The following IPO11 variants were observed in gnomAD, a reference collection of about 807,000 sequenced individuals.
IPO11 encodes the protein importin 11.
A neutral mutation model predicts 143.2 loss-of-function variants in IPO11; 66 were observed. The ratio of observed to expected loss-of-function variants is 0.46; its 90% CI spans 0.38 to 0.57. IPO11 has a LOEUF of 0.57. Ranked by LOEUF, IPO11 falls within the 20% of genes least tolerant of loss-of-function variation. The pLI is 0.00. For missense variants in IPO11, 1,026 were observed against 1,141.0 expected (o/e 0.90, Z 1.45); for synonymous variants, 385 against 377.8 (o/e 1.02, Z -0.22).
intron 20 of IPO11, among the ~76,000 whole-genome samples, chr5:62,522,589 T>A (rs1311084928): frequency 6.6e-6 from 1 of 152,154 alleles, no homozygotes; most frequent in Non-Finnish European, 1.5e-5. Flanking sequence ...CCGGCCATAA[T>A]TGTGTGTTTT....
chr5:62,598,669 C>G (rs563502005), intron 28 of IPO11, among the ~76,000 whole-genome samples: 1 of 150,354 alleles, frequency 6.7e-6, no homozygotes, highest in South Asian at 2.1e-4. Context: ...CTCAGCCTCC[C>G]GAGTAGCTGG....
chr5:62,523,035 C>CT (rs1447332137), intron 20 of IPO11, among the ~76,000 whole-genome samples: 1 of 152,210 alleles, frequency 6.6e-6, no homozygotes, highest in Non-Finnish European at 1.5e-5. Flanking sequence ...GTTCCTCAGT[C>CT]TTTTTTCTGT....
intron 27 of IPO11, chr5:62,580,671 AT>A (rs755070330): frequency 3.5e-5 from 55 of 1,551,524 alleles, no homozygotes; most frequent in East Asian, 3.4e-4. Context: ...CAATAAATGT[AT>A]CCAGAGCTTG....
At position 62,504,804 on chromosome 5, in the gene IPO11, A is replaced by T. The variant is rs1269155661; in HGVS notation, c.1625-54A>T. 2.9e-6 allele frequency: 4 copies of T among 1,364,206 alleles called. No homozygotes were observed. The African/African-American group carries it at 5.9e-5, about 20-fold the overall frequency. The allele number at this position is 1,364,206 out of a possible 1,614,324, so 84.5% of individuals were successfully genotyped here. ...ATTTATGTATACTTGTTTTAGATAC[A>T]GATTTATTTTGATAAAACTTATATA... On this transcript the variant is annotated intron_variant, in intron 17 of 29. Transcript: ENST00000325324.
chr5:62,503,408 T>TTA (rs1561338338), intron 16 of IPO11, among the ~76,000 whole-genome samples: 9 of 148,216 alleles, frequency 6.1e-5, no homozygotes, highest in African/African-American at 2.2e-4. Flanking sequence ...ATATTAATAG[T>TTA]ATCTATTAAT....
intron 27 of IPO11, among the ~76,000 whole-genome samples, chr5:62,579,166 G>A (rs527919308): frequency 6.6e-6 from 1 of 151,938 alleles, no homozygotes; most frequent in Non-Finnish European, 1.5e-5. Flanking sequence ...AGTTAACTTA[G>A]CAAATGTTTC....
rs1742371163 is a variant in IPO11, at chr5:62,526,384, CTG to C, written c.2012+128_2012+129del. On this transcript the variant is annotated intron_variant, in intron 21 of 29. Transcript: ENST00000325324. The stretch of plus-strand genomic sequence containing the variant: ...AAAATGTAAACTCTGTTTCTTCAAA[CTG>C]GGGCATATATCTCCTTTTTTTGGCA... 1.7e-5 allele frequency: 11 copies of C among 635,866 alleles called. No individual in the cohort carries two copies. The South Asian group carries it at 1.9e-4, about 11-fold the overall frequency. 39.4% of individuals were successfully genotyped at this position (635,866 alleles called of 1,614,324 possible). A position where few individuals can be genotyped will look rare whatever the true frequency, so the allele number is the denominator to read the frequency against.
At chr5:62,438,753 A>C (rs1417885834) in intron 2 of IPO11, among the ~76,000 whole-genome samples, 1 of 145,382 alleles carries the variant, frequency 6.9e-6, no homozygotes, top group East Asian at 2.0e-4. Flanking sequence ...ACTCCATCTC[A>C]AAAAAAAAAG....
At chr5:62,577,407 TG>T (rs1744354498) in intron 27 of IPO11, among the ~76,000 whole-genome samples, 1 of 152,186 alleles carries the variant, frequency 6.6e-6, no homozygotes, top group East Asian at 1.9e-4. Flanking sequence ...ATTCATACTC[TG>T]GTTATATTAC....
intron 5 of IPO11, 113 bp from the exon 6 acceptor site, chr5:62,467,018 C>T: frequency 3.2e-6 from 3 of 937,448 alleles, no homozygotes; most frequent in Non-Finnish European, 4.6e-6. Flanking sequence ...TATTTCAGAT[C>T]TCTCAGAAAA....
intron 2 of IPO11, among the ~76,000 whole-genome samples, chr5:62,441,496 C>CTTTTTTTTTTTTTTTTTTTTTT (rs995019567): frequency 4.2e-5 from 2 of 47,378 alleles, no homozygotes; most frequent in Non-Finnish European, 3.6e-5. Flanking sequence ...TGTGCCTGGC[C>CTTTTTTTTTTTTTTTTTTTTTT]TTTTTTTTTT....
At position 62,604,093 on chromosome 5, in the gene IPO11, C is replaced by T. The variant is rs1745609782; in HGVS notation, c.2763+2245C>T. Among the ~76,000 whole-genome samples, 4 of 152,206 alleles carry T rather than the reference C, an allele frequency of 2.6e-5. No homozygotes were observed. In the South Asian group the frequency reaches 8.3e-4, roughly 31 times the overall value. ...GTGTAAGCACACTCCATAATGTTTACACAAGGAACTTGCCTAACAATGCAT... is the reference window on the plus strand; with the variant it reads ...GTGTAAGCACACTCCATAATGTTTATACAAGGAACTTGCCTAACAATGCAT... On this transcript the variant is annotated intron_variant, in intron 29 of 29. Coordinates refer to ENST00000325324, the MANE Select transcript of IPO11 (RefSeq NM_016338.5).
chr5:62,437,550 A>G, intron 2 of IPO11, 133 bp downstream of exon 2: 1 of 644,658 alleles, frequency 1.6e-6, no homozygotes, highest in Non-Finnish European at 2.6e-6. Context: ...CTTTGCCATT[A>G]TCTTATTACT....
intron 2 of IPO11, among the ~76,000 whole-genome samples, chr5:62,439,010 G>A (rs1019255711): frequency 4.1e-5 from 6 of 147,296 alleles, no homozygotes; most frequent in Non-Finnish European, 8.9e-5. Context: ...AGTGAGTGGA[G>A]ATTGCACCAC....
At chr5:62,619,666 A>G (rs1746273839) in intron 29 of IPO11, among the ~76,000 whole-genome samples, 1 of 152,094 alleles carries the variant, frequency 6.6e-6, no homozygotes, top group South Asian at 2.1e-4. Context: ...ATCCTGGTTA[A>G]CACGGTGAAA....
intron 21 of IPO11, 149 bp downstream of exon 21, chr5:62,526,406 T>C (rs1449447314): frequency 7.0e-6 from 4 of 572,584 alleles, no homozygotes; most frequent in Non-Finnish European, 1.2e-5. Context: ...TCTCCTTTTT[T>C]TGGCAGCTGT....
intron 1 of IPO11, among the ~76,000 whole-genome samples, chr5:62,419,479 A>G (rs1743423739): frequency 6.6e-6 from 1 of 152,188 alleles, no homozygotes; most frequent in African/African-American, 2.4e-5. Flanking sequence ...AAACACACAC[A>G]TTAACTCAGG....
intron 24 of IPO11, among the ~76,000 whole-genome samples, chr5:62,541,371 C>CA (rs368334894): frequency 0.035 from 4,084 of 115,852 alleles, 59 homozygotes; most frequent in African/African-American, 0.049. Context: ...AACGCTGTCT[C>CA]AAAAAAAAAA....
At chr5:62,504,965 T>C (rs1010358028) in intron 18 of IPO11, 67 bp downstream of exon 18, 17 of 870,016 alleles carry the variant, frequency 2.0e-5, no homozygotes, top group Non-Finnish European at 2.9e-5. Context: ...TGAATACTAT[T>C]TTATACATGA....
Sources: allele counts gnomAD v4.1 joint callset (sites outside exome capture counted in the v4.1 genomes callset), GRCh38; gene constraint gnomAD v4.1.1; transcripts MANE v1.5; gene names NCBI Gene and HGNC (gene_info 2026-07-23, HGNC 2026-07-21).